The following NTM variants were observed in gnomAD, a reference collection of about 807,000 sequenced individuals.
NTM encodes IgLON family member 2.
Under a neutral mutation model 42.1 loss-of-function variants are expected in NTM, and 13 were observed. That is an observed-to-expected ratio of 0.31 (90% CI 0.20 to 0.49). The LOEUF (loss-of-function observed/expected upper bound fraction) is 0.49. Ranked by LOEUF, NTM falls within the 20% of genes least tolerant of loss-of-function variation. The probability of loss-of-function intolerance (pLI) is 0.99; values close to 1 mark genes in which losing one functional copy is unlikely to be tolerated. For missense variants in NTM, 373 were observed against 452.8 expected (o/e 0.82, Z 1.60); for synonymous variants, 187 against 179.2 (o/e 1.04, Z -0.35).
At chr11:131,975,458 G>A (rs1407041488) in intron 2 of NTM, among the ~76,000 whole-genome samples, 3 of 152,076 alleles carry the variant, frequency 2.0e-5, no homozygotes, top group African/African-American at 2.4e-5. Context: ...GATTACAGGC[G>A]TGAGCCACTG....
intron 1 of NTM, among the ~76,000 whole-genome samples, chr11:131,850,725 C>T (rs892163106): frequency 3.3e-5 from 5 of 152,142 alleles, no homozygotes; most frequent in African/African-American, 4.8e-5. Flanking sequence ...CCAGGTCAGG[C>T]GGTGCCATCG....
intron 3 of NTM, among the ~76,000 whole-genome samples, chr11:132,151,887 C>T (rs897111261): frequency 1.1e-4 from 16 of 152,176 alleles, no homozygotes; most frequent in African/African-American, 3.6e-4. Flanking sequence ...CAGTGACTTG[C>T]AAATAATGGA....
chr11:131,810,247 C>T (rs2092682372), intron 1 of NTM, among the ~76,000 whole-genome samples: 1 of 152,160 alleles, frequency 6.6e-6, no homozygotes, highest in African/African-American at 2.4e-5. Context: ...GCTGAATCCC[C>T]CAAACACATT....
intron 1 of NTM, among the ~76,000 whole-genome samples, chr11:131,636,554 A>G (rs1035254669): frequency 1.3e-5 from 2 of 152,190 alleles, no homozygotes; most frequent in African/African-American, 4.8e-5. Flanking sequence ...GTTGTAACAT[A>G]AAACGATGCA....
At chr11:131,945,241 C>G (rs639229) in intron 2 of NTM, among the ~76,000 whole-genome samples, 1 of 152,098 alleles carries the variant, frequency 6.6e-6, no homozygotes, top group East Asian at 1.9e-4. Context: ...TCCTGTCTCA[C>G]GCACACACAC....
chr11:132,008,015 G>A (rs7952116), intron 2 of NTM, among the ~76,000 whole-genome samples: 20 of 152,202 alleles, frequency 1.3e-4, no homozygotes, highest in African/African-American at 2.2e-4. Flanking sequence ...GCGTTGCTTC[G>A]ATTTTAGAAT....
At chr11:131,426,438 C>T (rs1479281526) in intron 1 of NTM, among the ~76,000 whole-genome samples, 3 of 152,096 alleles carry the variant, frequency 2.0e-5, no homozygotes, top group Non-Finnish European at 4.4e-5. Flanking sequence ...AAAGGAGCCC[C>T]GTATGCTGTG....
intron 1 of NTM, among the ~76,000 whole-genome samples, chr11:131,623,662 C>A (rs1397455637): frequency 6.6e-6 from 1 of 152,182 alleles, no homozygotes; most frequent in African/African-American, 2.4e-5. Flanking sequence ...ACTTGCAGTG[C>A]GCCTGCCTGG....
chr11:132,037,884 G>A (rs960413483), intron 2 of NTM, among the ~76,000 whole-genome samples: 1 of 152,228 alleles, frequency 6.6e-6, no homozygotes, highest in African/African-American at 2.4e-5. Flanking sequence ...TATGCAGCCA[G>A]TCTCATTGCT....
At chr11:131,932,700 T>C (rs373768342) in intron 2 of NTM, among the ~76,000 whole-genome samples, 207 of 152,278 alleles carry the variant, frequency 1.4e-3, no homozygotes, top group Middle Eastern at 6.8e-3. Flanking sequence ...TGAGCAGGCG[T>C]TGGTCATCAG....
intron 2 of NTM, among the ~76,000 whole-genome samples, chr11:132,000,573 G>A (rs71485709): frequency 0.032 from 4,842 of 152,236 alleles, 119 homozygotes; most frequent in Non-Finnish European, 0.038. Flanking sequence ...CTATCCCATT[G>A]TGTGGCATGA....
At chr11:132,007,920 A>G (rs529732933) in intron 2 of NTM, among the ~76,000 whole-genome samples, 1 of 152,316 alleles carries the variant, frequency 6.6e-6, no homozygotes, top group Non-Finnish European at 1.5e-5. Context: ...GATGGTGAGA[A>G]TAACCCTGGA....
chr11:132,323,822 C>T (rs1229241979), intron 7 of NTM, among the ~76,000 whole-genome samples: 1 of 151,692 alleles, frequency 6.6e-6, no homozygotes, highest in Non-Finnish European at 1.5e-5. Flanking sequence ...AAAAGCTTAT[C>T]CACCATGATC....
intron 1 of NTM, among the ~76,000 whole-genome samples, chr11:131,574,203 T>C (rs1161569018): frequency 6.6e-6 from 1 of 152,112 alleles, no homozygotes; most frequent in East Asian, 1.9e-4. Context: ...GCCAACTTTA[T>C]GCTTCATAGT....
chr11:131,394,763 G>C (rs895684097), intron 1 of NTM, among the ~76,000 whole-genome samples: 3 of 152,166 alleles, frequency 2.0e-5, no homozygotes, highest in Admixed American at 6.5e-5. Context: ...TCAGCGTCGA[G>C]CTCAGCTTTG....
chr11:131,515,748 C>T (rs2048816063), intron 1 of NTM, among the ~76,000 whole-genome samples: 4 of 152,310 alleles, frequency 2.6e-5, no homozygotes, highest in Admixed American at 2.6e-4. Flanking sequence ...CATCTGGCTA[C>T]TTTAGCTGCA....
intron 1 of NTM, among the ~76,000 whole-genome samples, chr11:131,834,619 C>CAT (rs1437043670): frequency 1.2e-4 from 7 of 57,684 alleles, no homozygotes; most frequent in East Asian, 7.2e-4. Context: ...TATATATATA[C>CAT]ATATACATAT....
intron 1 of NTM, among the ~76,000 whole-genome samples, chr11:131,510,736 T>A (rs1360696016): frequency 2.6e-5 from 4 of 152,218 alleles, no homozygotes; most frequent in Non-Finnish European, 5.9e-5. Flanking sequence ...TGTGCCCATC[T>A]CTTTCTGTCT....
intron 1 of NTM, among the ~76,000 whole-genome samples, chr11:131,524,455 C>T (rs186276355): frequency 1.3e-4 from 20 of 152,342 alleles, no homozygotes; most frequent in African/African-American, 4.3e-4. Flanking sequence ...TGTAATCCAC[C>T]TCTCAGCGAC....
Sources: gnomAD v4.1 joint callset for allele counts (sites outside exome capture counted in the v4.1 genomes callset) on GRCh38, gnomAD v4.1.1 for gene constraint, MANE v1.5 for transcripts, NCBI Gene and HGNC (gene_info 2026-07-23, HGNC 2026-07-21) for gene names.